UBR3: variants seen among roughly 807,000 people sequenced by gnomAD.
The protein encoded by UBR3 is ubiquitin protein ligase E3 component n-recognin 3, also known as E3 ubiquitin-protein ligase UBR3.
A neutral mutation model predicts 243.2 loss-of-function variants in UBR3; 85 were observed. The observed-to-expected ratio is 0.35, with a 90% CI of 0.29 to 0.42. The LOEUF is 0.42. Among genes scored for constraint, UBR3 ranks in the 10% least tolerant of loss-of-function variants. The pLI, the probability that UBR3 is intolerant of heterozygous loss-of-function variation, is 1.00. For missense variants in UBR3, 1,686 were observed against 2,300.8 expected (o/e 0.73, Z 5.47); for synonymous variants, 748 against 799.8 (o/e 0.94, Z 1.09).
chr2:169,872,464 A>G (rs1390669177), intron 2 of UBR3, 89 bp downstream of exon 2: 19 of 968,642 alleles, frequency 2.0e-5, no homozygotes, highest in Non-Finnish European at 2.2e-5. Context: ...ATTTTTTTAG[A>G]TATCTTTTTT....
chr2:169,863,667 T>C (rs1303833652), intron 1 of UBR3, among the ~76,000 whole-genome samples: 2 of 152,218 alleles, frequency 1.3e-5, no homozygotes, highest in African/African-American at 2.4e-5. Flanking sequence ...TGTTAATACA[T>C]GTTTATATGC....
intron 27 of UBR3, 25 bp from the exon 28 acceptor site, chr2:170,006,965 T>C (rs1490680200): frequency 6.2e-7 from 1 of 1,607,994 alleles, no homozygotes; most frequent in Non-Finnish European, 8.5e-7. Context: ...ATATCACGCA[T>C]CTGTATGTTT....
chr2:169,882,507 G>A (rs188165153), intron 5 of UBR3, among the ~76,000 whole-genome samples: 9 of 150,606 alleles, frequency 6.0e-5, no homozygotes, highest in African/African-American at 1.7e-4. Flanking sequence ...TTGGGAGGCC[G>A]AGGCGGGCAG....
intron 19 of UBR3, among the ~76,000 whole-genome samples, chr2:169,934,961 T>A (rs969334744): frequency 4.6e-5 from 7 of 152,150 alleles, no homozygotes; most frequent in Admixed American, 4.6e-4. Flanking sequence ...AGAAGAGGCT[T>A]AAGCGAGTGA....
At chr2:169,932,165 C>T (rs1435377337) in intron 18 of UBR3, among the ~76,000 whole-genome samples, 1 of 151,888 alleles carries the variant, frequency 6.6e-6, no homozygotes. Flanking sequence ...GCAACCTTCG[C>T]CTCCTGGGTT....
At chr2:169,883,668 A>G (rs2083979056) in intron 5 of UBR3, among the ~76,000 whole-genome samples, 1 of 152,198 alleles carries the variant, frequency 6.6e-6, no homozygotes, top group Non-Finnish European at 1.5e-5. Flanking sequence ...TAAATTTTCT[A>G]TCTATTTTAG....
chr2:170,052,094 T>G, intron 32 of UBR3, among the ~76,000 whole-genome samples: 1 of 152,160 alleles, frequency 6.6e-6, no homozygotes, highest in East Asian at 1.9e-4. Flanking sequence ...TTTCTACCTA[T>G]CCAAGCCTGC....
intron 10 of UBR3, among the ~76,000 whole-genome samples, chr2:169,910,575 A>C (rs1336180356): frequency 6.6e-6 from 1 of 152,156 alleles, no homozygotes; most frequent in Non-Finnish European, 1.5e-5. Flanking sequence ...TAACAGAGAG[A>C]AAACAGGCTC....
At chr2:169,829,071 A>C (rs750704227) in intron 1 of UBR3, among the ~76,000 whole-genome samples, 2 of 152,230 alleles carry the variant, frequency 1.3e-5, no homozygotes, top group Non-Finnish European at 2.9e-5. Context: ...GGTTGCTATC[A>C]GTTATTAAAC....
chr2:169,848,708 AT>A (rs35893950), intron 1 of UBR3, among the ~76,000 whole-genome samples: 69,270 of 144,460 alleles, frequency 0.48, 16,670 homozygotes, highest in Non-Finnish European at 0.56. Context: ...AAGTTTTTTA[AT>A]TTTTTTTTTT....
intron 1 of UBR3, among the ~76,000 whole-genome samples, chr2:169,863,610 A>G (rs1391582403): frequency 1.3e-5 from 2 of 152,334 alleles, no homozygotes; most frequent in East Asian, 3.9e-4. Context: ...ATTTAGAGCT[A>G]TACCAGTTGT....
chr2:169,857,064 G>GTTTTGTTTTTTTTTTTTTTTTTTT, intron 1 of UBR3, among the ~76,000 whole-genome samples: 1 of 56,094 alleles, frequency 1.8e-5, no homozygotes, highest in Middle Eastern at 0.013. Context: ...ATTTTATTAT[G>GTTTTGTTTTTTTTTTTTTTTTTTT]TTTTTTTTTT....
rs748933789 is a variant in UBR3 at position 170,055,442 on chromosome 2, AT to A, written c.4661-10del. 6 of 1,604,188 alleles carry A rather than the reference AT, an allele frequency of 3.7e-6. No individual in the cohort carries two copies. Among genetic ancestry groups the A allele is most frequent in the South Asian group, 1.1e-5 (1 of 88,874 alleles). ...ATATCTAGATTCCAAAGAAATAATG[AT>A]TTTTTTTCTCTTGCAGACCACTTTA... On this transcript the variant is annotated splice_polypyrimidine_tract_variant and intron_variant, in intron 32 of 38. Coordinates refer to ENST00000272793, the MANE Select transcript of UBR3 (RefSeq NM_172070.4).
chr2:170,080,285 G>A, intron 37 of UBR3: 1 of 561,532 alleles, frequency 1.8e-6, no homozygotes, highest in Admixed American at 3.5e-5. Context: ...AATGTGCTGT[G>A]AAACAGAAGT....
chr2:169,836,035 CTCTCTCTCTATATATATATA>C (rs1252210047), intron 1 of UBR3, among the ~76,000 whole-genome samples: 16 of 16,280 alleles, frequency 9.8e-4, no homozygotes, highest in African/African-American at 2.6e-3. Flanking sequence ...CTCTCTCTCT[CTCTCTCTCTATATATATATA>C]TATATATATA....
chr2:169,883,817 T>G (rs2105319077), intron 5 of UBR3, among the ~76,000 whole-genome samples: 1 of 152,230 alleles, frequency 6.6e-6, no homozygotes, highest in Admixed American at 6.5e-5. Context: ...GAATAAAAAC[T>G]TATATTTAGA....
intron 32 of UBR3, among the ~76,000 whole-genome samples, chr2:170,048,175 A>G (rs1338361987): frequency 5.9e-5 from 9 of 152,152 alleles, no homozygotes; most frequent in Non-Finnish European, 1.2e-4. Context: ...TGTGAGGATC[A>G]TTCTTTAATC....
At chr2:169,948,130 A>G (rs1207287896) in intron 22 of UBR3, among the ~76,000 whole-genome samples, 1 of 151,176 alleles carries the variant, frequency 6.6e-6, no homozygotes, top group Non-Finnish European at 1.5e-5. Flanking sequence ...GAAAATTTAT[A>G]TTATTGAGCT....
At chr2:170,054,639 T>G (rs2091293652) in intron 32 of UBR3, among the ~76,000 whole-genome samples, 1 of 152,182 alleles carries the variant, frequency 6.6e-6, no homozygotes. Flanking sequence ...CCCAGGCTTA[T>G]TGCTATAGTT....
Sources: gnomAD v4.1 joint callset for allele counts (sites outside exome capture counted in the v4.1 genomes callset) on GRCh38, gnomAD v4.1.1 for gene constraint, MANE v1.5 for transcripts, NCBI Gene and HGNC (gene_info 2026-07-23, HGNC 2026-07-21) for gene names.